The following SAMD13 variants were observed in gnomAD, a reference collection of about 807,000 sequenced individuals.
The protein encoded by SAMD13 is sterile alpha motif domain containing 13, also known as sterile alpha motif domain-containing protein 13.
SAMD13 carries 9 observed loss-of-function variants against 12.4 expected under a neutral mutation model. That is an observed-to-expected ratio of 0.72 (90% CI 0.44 to 1.26). The LOEUF is 1.26. Among genes scored for constraint, SAMD13 ranks in the 50% most tolerant of loss-of-function variants. The pLI is 0.00. For missense variants in SAMD13, 84 were observed against 119.6 expected (o/e 0.70, Z 1.39); for synonymous variants, 46 against 45.4 (o/e 1.01, Z -0.05).
At chr1:84,329,643 C>T (rs1679132483) in intron 3 of SAMD13, among the ~76,000 whole-genome samples, 1 of 152,192 alleles carries the variant, frequency 6.6e-6, no homozygotes, top group African/African-American at 2.4e-5. Context: ...CACCCCACTG[C>T]CACAGAACAA....
intron 2 of SAMD13, among the ~76,000 whole-genome samples, chr1:84,311,483 G>C (rs1236923444): frequency 6.6e-6 from 1 of 152,124 alleles, no homozygotes; most frequent in African/African-American, 2.4e-5. Flanking sequence ...CATTGGCAAA[G>C]AACACAGATT....
In SAMD13 at chr1:84,306,447, A is replaced by G. The variant is rs558673524; in HGVS notation, c.53+3160A>G. On this transcript the variant is annotated intron_variant, in intron 2 of 3. Coordinates refer to ENST00000394834, the MANE Select transcript of SAMD13 (RefSeq NM_001134663.2). ...GTTTTAATTCTTCCTTCCCAGTCTG[A>G]ATGCCTTGTATTTCTTTCTCCTTTA... 1.1e-4 allele frequency among the ~76,000 whole-genome samples: 17 copies of G among 152,084 alleles called. No individual in the cohort carries two copies. In the South Asian group the frequency reaches 3.5e-3, roughly 32 times the overall value.
intron 2 of SAMD13, among the ~76,000 whole-genome samples, chr1:84,304,674 C>T (rs921186497): frequency 1.3e-5 from 2 of 151,928 alleles, no homozygotes; most frequent in African/African-American, 4.8e-5. Flanking sequence ...CCTTTTCTGC[C>T]CCCATATCCC....
intron 2 of SAMD13, among the ~76,000 whole-genome samples, chr1:84,316,011 T>C (rs1480083590): frequency 6.6e-6 from 1 of 152,202 alleles, no homozygotes; most frequent in Non-Finnish European, 1.5e-5. Flanking sequence ...GCTATTTGTG[T>C]GTCTTCTTTT....
chr1:84,299,527 A>G, upstream of SAMD13: 2 of 1,262,968 alleles, frequency 1.6e-6, no homozygotes, highest in Non-Finnish European at 2.1e-6. Flanking sequence ...TACCACACCC[A>G]CACACAAAGT....
At chr1:84,310,202 A>G (rs943468611) in intron 2 of SAMD13, among the ~76,000 whole-genome samples, 3 of 152,166 alleles carry the variant, frequency 2.0e-5, no homozygotes, top group Non-Finnish European at 4.4e-5. Flanking sequence ...GACATCATCA[A>G]TGAAATATTT....
intron 2 of SAMD13, among the ~76,000 whole-genome samples, chr1:84,305,967 T>A (rs1182097990): frequency 1.3e-5 from 2 of 152,236 alleles, no homozygotes; most frequent in African/African-American, 4.8e-5. Context: ...TACATTTCCA[T>A]ATGAATTTTA....
At chr1:84,341,456 A>G (rs1679422874) in intron 3 of SAMD13, among the ~76,000 whole-genome samples, 1 of 152,158 alleles carries the variant, frequency 6.6e-6, no homozygotes, top group Admixed American at 6.6e-5. Context: ...GTACACTGCA[A>G]ATGTGATGTG....
intron 2 of SAMD13, among the ~76,000 whole-genome samples, chr1:84,321,365 A>AAT (rs57430268): frequency 0.028 from 4,190 of 151,892 alleles, 200 homozygotes; most frequent in African/African-American, 0.096. Context: ...GCTATATATA[A>AAT]ATATATATAT....
chr1:84,337,147 G>T (rs1468093690), intron 3 of SAMD13, among the ~76,000 whole-genome samples: 1 of 152,144 alleles, frequency 6.6e-6, no homozygotes, highest in African/African-American at 2.4e-5. Context: ...TTTTCTGGGT[G>T]CACGGTGCAA....
At chr1:84,335,364 A>G (rs1464192969) in intron 3 of SAMD13, among the ~76,000 whole-genome samples, 1 of 151,318 alleles carries the variant, frequency 6.6e-6, no homozygotes, top group Non-Finnish European at 1.5e-5. Flanking sequence ...AGAATAGCAA[A>G]CCCTGCTTTT....
intron 3 of SAMD13, among the ~76,000 whole-genome samples, chr1:84,340,874 T>G (rs1484050989): frequency 6.6e-6 from 1 of 152,174 alleles, no homozygotes; most frequent in Non-Finnish European, 1.5e-5. Context: ...GAGAGTAGTA[T>G]TTGAATCAGT....
chr1:84,345,129 A>G (rs772747979), intron 3 of SAMD13: 39 of 456,526 alleles, frequency 8.5e-5, no homozygotes, highest in Middle Eastern at 3.2e-4. Context: ...CTTTGTAAGC[A>G]GCAGACTGAG....
At chr1:84,333,428 C>T (rs1679233191) in intron 3 of SAMD13, among the ~76,000 whole-genome samples, 1 of 152,062 alleles carries the variant, frequency 6.6e-6, no homozygotes, top group African/African-American at 2.4e-5. Context: ...CTTTCACCTC[C>T]CCGGTTAGCT....
intron 2 of SAMD13, among the ~76,000 whole-genome samples, chr1:84,306,137 T>C (rs1216500474): frequency 6.6e-6 from 1 of 152,208 alleles, no homozygotes; most frequent in African/African-American, 2.4e-5. Context: ...TTTGCTTATG[T>C]CTTCTTTAAT....
chr1:84,332,711 A>G (rs568990301), intron 3 of SAMD13, among the ~76,000 whole-genome samples: 105 of 152,172 alleles, frequency 6.9e-4, no homozygotes, highest in Non-Finnish European at 1.4e-3. Flanking sequence ...TTATTTTGCT[A>G]TGCAGAAACT....
chr1:84,307,494 A>G (rs1032744186), intron 2 of SAMD13, among the ~76,000 whole-genome samples: 1 of 152,028 alleles, frequency 6.6e-6, no homozygotes, highest in Non-Finnish European at 1.5e-5. Flanking sequence ...TCCTTGTCCC[A>G]TATTATTTGT....
intron 3 of SAMD13, among the ~76,000 whole-genome samples, chr1:84,335,686 C>T (rs1340902757): frequency 6.6e-6 from 1 of 152,152 alleles, no homozygotes; most frequent in Non-Finnish European, 1.5e-5. Context: ...TCAGTAATGG[C>T]CTTTCCTCTC....
At chr1:84,338,716 G>A (rs2101816129) in intron 3 of SAMD13, among the ~76,000 whole-genome samples, 1 of 152,160 alleles carries the variant, frequency 6.6e-6, no homozygotes, top group African/African-American at 2.4e-5. Flanking sequence ...GGGATTACAG[G>A]CATGAGTCAC....
Sources: gnomAD v4.1 joint callset for allele counts (sites outside exome capture counted in the v4.1 genomes callset) on GRCh38, gnomAD v4.1.1 for gene constraint, MANE v1.5 for transcripts, NCBI Gene and HGNC (gene_info 2026-07-23, HGNC 2026-07-21) for gene names.